The following PTPRA variants were observed in gnomAD, a reference collection of about 807,000 sequenced individuals.
PTPRA encodes receptor-type tyrosine-protein phosphatase alpha.
A neutral mutation model predicts 104.8 loss-of-function variants in PTPRA; 25 were observed. That is an observed-to-expected ratio of 0.24 (90% CI 0.17 to 0.33). The LOEUF (loss-of-function observed/expected upper bound fraction) is 0.33. PTPRA is among the 10% of genes least tolerant of loss of function. The pLI is 1.00. For missense variants in PTPRA, 765 were observed against 1,015.3 expected (o/e 0.75, Z 3.35); for synonymous variants, 323 against 368.9 (o/e 0.88, Z 1.43).
In PTPRA at chr20:2,910,608, T is replaced by TA. The variant is rs1568650233; in HGVS notation, c.-128-12597dup. ...TTTTTTGTTTTTTTTTTGTTTTTTT[T>TA]AATTTTTTTTTTTTTTTTAAGACGG... On this transcript the variant is annotated intron_variant, in intron 1 of 23. Transcript: ENST00000399903. 9.8e-5 allele frequency among the ~76,000 whole-genome samples: 10 copies of TA among 101,534 alleles called. 1 individual carries two copies. The South Asian group carries it at 1.0e-3, about 10-fold the overall frequency. The allele number at this position is 101,534 out of a possible 152,430, so 66.6% of individuals were successfully genotyped here. A position where few individuals can be genotyped will look rare whatever the true frequency, so the allele number is the denominator to read the frequency against.
intron 13 of PTPRA, among the ~76,000 whole-genome samples, chr20:3,018,449 GCAT>G (rs1289912742): frequency 6.6e-6 from 1 of 151,268 alleles, no homozygotes; most frequent in Non-Finnish European, 1.5e-5. Context: ...CTGCCTTCAA[GCAT>G]CTGTTTAACA....
chr20:3,015,958 A>G (rs1346377730), intron 12 of PTPRA, 73 bp downstream of exon 12: 1 of 1,394,758 alleles, frequency 7.2e-7, no homozygotes, highest in Non-Finnish European at 1.0e-6. Context: ...TTTCTCCCAA[A>G]TGCTGAGTGG....
At chr20:2,871,154 C>T (rs1372124274), upstream of PTPRA, among the ~76,000 whole-genome samples, 2 of 152,178 alleles carry the variant, frequency 1.3e-5, no homozygotes, top group Non-Finnish European at 2.9e-5. Flanking sequence ...TTCTGTCACC[C>T]CTGTGCACAC....
At chr20:2,901,747 G>A (rs1227785097) in intron 1 of PTPRA, among the ~76,000 whole-genome samples, 1 of 152,088 alleles carries the variant, frequency 6.6e-6, no homozygotes, top group Non-Finnish European at 1.5e-5. Context: ...AGTACTTCTA[G>A]AGCATACAGG....
chr20:2,969,173 T>C (rs1041914682), intron 5 of PTPRA, among the ~76,000 whole-genome samples: 12 of 151,146 alleles, frequency 7.9e-5, no homozygotes, highest in Non-Finnish European at 1.8e-4. Flanking sequence ...GTCCCTGCAC[T>C]ATAGCCTGGG....
intron 1 of PTPRA, among the ~76,000 whole-genome samples, chr20:2,903,692 AAAAG>A (rs2059315315): frequency 6.6e-6 from 1 of 152,180 alleles, no homozygotes; most frequent in Non-Finnish European, 1.5e-5. Flanking sequence ...CAACTTAAAA[AAAAG>A]AAAGAATTAT....
At chr20:2,975,927 A>G (rs2062414281) in intron 6 of PTPRA, among the ~76,000 whole-genome samples, 2 of 152,220 alleles carry the variant, frequency 1.3e-5, no homozygotes, top group South Asian at 2.1e-4. Flanking sequence ...TGTTTTTATC[A>G]TAATTTTCTA....
intron 2 of PTPRA, among the ~76,000 whole-genome samples, chr20:2,924,893 A>C (rs898499055): frequency 4.6e-5 from 7 of 152,024 alleles, no homozygotes; most frequent in Admixed American, 4.6e-4. Flanking sequence ...GTTGGCCAGG[A>C]TGGTCTCGAT....
intron 2 of PTPRA, among the ~76,000 whole-genome samples, chr20:2,945,745 A>G (rs1388796640): frequency 1.3e-5 from 2 of 152,052 alleles, no homozygotes; most frequent in East Asian, 1.9e-4. Context: ...CCTTGCCAAC[A>G]TGGTGAAACC....
At chr20:3,004,265 G>A (rs1307666511) in intron 9 of PTPRA, among the ~76,000 whole-genome samples, 1 of 151,418 alleles carries the variant, frequency 6.6e-6, no homozygotes, top group Non-Finnish European at 1.5e-5. Context: ...TGATCCACCC[G>A]CCTCAGCCTC....
At position 3,037,311 on chromosome 20, in the gene PTPRA, C is replaced by A; in HGVS notation, c.2334+22C>A. On this transcript the variant is annotated intron_variant, in intron 23 of 23. Transcript: ENST00000399903. The surrounding 1 kb of genome is among the most constrained non-coding windows in gnomAD (Gnocchi z 4.3). Reference sequence around the variant, plus strand: ...ACTGGTATGCTGCCCACATATTTGTCCCTGCCACCACACCACCTGCAGCCC... The same window carrying A: ...ACTGGTATGCTGCCCACATATTTGTACCTGCCACCACACCACCTGCAGCCC... 1 of 1,612,342 alleles carries A rather than the reference C, an allele frequency of 6.2e-7. No individual in the cohort carries two copies. The highest frequency in any genetic ancestry group is 1.1e-5 in the South Asian group (1 of 90,800).
intron 12 of PTPRA, among the ~76,000 whole-genome samples, chr20:3,017,029 G>C (rs1229308799): frequency 1.3e-5 from 2 of 152,140 alleles, no homozygotes; most frequent in East Asian, 3.9e-4. Flanking sequence ...ACAGTATTAT[G>C]TTATTTTTTG....
intron 19 of PTPRA, 25 bp downstream of exon 19, chr20:3,027,222 G>T (rs759186305): frequency 6.2e-7 from 1 of 1,604,496 alleles, no homozygotes; most frequent in African/African-American, 1.3e-5. Flanking sequence ...TGACCCCTGA[G>T]CCCCCAACAC....
In PTPRA at chr20:2,888,019, C is replaced by G. The variant is rs151170810; in HGVS notation, c.-129+14259C>G. 2.1e-3 allele frequency among the ~76,000 whole-genome samples: 321 copies of G among 152,318 alleles called. 1 individual carries two copies. The highest frequency in any genetic ancestry group is 7.0e-3 in the African/African-American group (293 of 41,566). On this transcript the variant is annotated intron_variant, in intron 1 of 23. Coordinates refer to ENST00000399903, the MANE Select transcript of PTPRA (RefSeq NM_001385305.1). ...AGTGATTTCCAGCCAGTATTTCTCT[C>G]TCCCCAGTTTGGGGTGTTAGCTAGA...
At chr20:2,982,963 G>A (rs1173190657) in intron 6 of PTPRA, among the ~76,000 whole-genome samples, 1 of 152,178 alleles carries the variant, frequency 6.6e-6, no homozygotes, top group South Asian at 2.1e-4. Context: ...TTCCCAAAGT[G>A]CTGGGATTGC....
intron 5 of PTPRA, 132 bp downstream of exon 5, chr20:2,965,334 A>T: frequency 1.1e-6 from 1 of 930,454 alleles, no homozygotes; most frequent in Non-Finnish European, 1.6e-6. Flanking sequence ...TGAAACCTGT[A>T]TGTGGAATTT....
the PTPRA span, chr20:2,864,272 G>A: frequency 2.5e-5 from 40 of 1,614,068 alleles, no homozygotes; most frequent in Non-Finnish European, 3.1e-5. The surrounding 1 kb of genome is among the most constrained non-coding windows in gnomAD (Gnocchi z 5.2). Flanking sequence ...CATCGAGAGC[G>A]GGGACACTGA....
At chr20:2,957,100 A>G (rs916381091) in intron 3 of PTPRA, among the ~76,000 whole-genome samples, 2 of 152,172 alleles carry the variant, frequency 1.3e-5, no homozygotes, top group Admixed American at 6.5e-5. Flanking sequence ...CCTGGCCAAC[A>G]CAGTGAAACC....
intron 1 of PTPRA, among the ~76,000 whole-genome samples, chr20:2,909,911 A>ATATG (rs1483026612): frequency 7.7e-6 from 1 of 129,832 alleles, no homozygotes; most frequent in Admixed American, 8.8e-5. Flanking sequence ...TATGACATAT[A>ATATG]TATGTTATAT....
Sources: allele counts gnomAD v4.1 joint callset (sites outside exome capture counted in the v4.1 genomes callset), GRCh38; gene constraint gnomAD v4.1.1; non-coding constraint Gnocchi (gnomAD v3.1); transcripts MANE v1.5; gene names NCBI Gene and HGNC (gene_info 2026-07-23, HGNC 2026-07-21).